CCDC88C: variants seen among roughly 807,000 people sequenced by gnomAD.
The protein encoded by CCDC88C is coiled-coil and HOOK domain protein 88C.
CCDC88C carries 131 observed loss-of-function variants against 198.8 expected under a neutral mutation model. That is an observed-to-expected ratio of 0.66 (90% CI 0.57 to 0.76). CCDC88C has a LOEUF of 0.76. CCDC88C is among the 30% of genes least tolerant of loss of function. The pLI, the probability that CCDC88C is intolerant of heterozygous loss-of-function variation, is 0.00. For synonymous variants in CCDC88C, 1,166 were observed against 1,114.7 expected, an observed-to-expected ratio of 1.05 and a Z score of -0.92; for missense variants, 2,553 against 2,631.6, an observed-to-expected ratio of 0.97 and a Z score of 0.65.
At chr14:91,299,778 G>T in intron 21 of CCDC88C, 149 bp downstream of exon 21, 1 of 1,103,198 alleles carries the variant, frequency 9.1e-7, no homozygotes, top group Non-Finnish European at 1.2e-6. Context: ...TTGCCCTTTA[G>T]CTTATTTTAC....
chr14:91,371,849 C>T lies in CCDC88C; in HGVS notation c.271-12138G>A, dbSNP rs1894820010. ...ACCCGGTGGCCTGACAATGCCGCTT[C>T]ACTCCCAGGCACAAGTCGGAGCAGG... is the stretch of plus-strand genomic sequence containing the variant. On this transcript the variant is annotated intron_variant, in intron 3 of 29. Transcript: ENST00000389857. This position sits in a 1 kb window ranked among gnomAD's most constrained non-coding sequence, Gnocchi z 4.2. Among the ~76,000 whole-genome samples, 1 of 152,208 alleles carries T rather than the reference C, an allele frequency of 6.6e-6. No homozygotes were observed. The highest frequency in any genetic ancestry group is 2.4e-5 in the African/African-American group (1 of 41,450).
rs1887132217 is a variant in CCDC88C at position 91,417,544 on chromosome 14, C to T, written c.60+87G>A. The T allele has an allele frequency of 1.2e-5, 16 of 1,315,814 alleles. No individual in the cohort carries two copies. The South Asian group carries it at 1.8e-4, about 15-fold the overall frequency. The allele number at this position is 1,315,814 out of a possible 1,614,324, so 81.5% of individuals were successfully genotyped here. On this transcript the variant is annotated intron_variant, in intron 1 of 29. Transcript: ENST00000389857. ...CGCGCCCCGGAGCCACCCGGGGCCC[C>T]GGCCGTGTCGGGTCTGCGGCGTCCC...
At chr14:91,304,419 CA>C (rs1049151933) in intron 19 of CCDC88C, among the ~76,000 whole-genome samples, 3 of 151,182 alleles carry the variant, frequency 2.0e-5, no homozygotes, top group East Asian at 1.9e-4. Flanking sequence ...CCCATCTCTA[CA>C]AAAAAAAAGT....
chr14:91,293,026 TCCCGTCCTCA>T (rs1486750710), intron 23 of CCDC88C, among the ~76,000 whole-genome samples: 1 of 151,816 alleles, frequency 6.6e-6, no homozygotes, highest in East Asian at 1.9e-4. Context: ...CAGCTCACCT[TCCCGTCCTCA>T]CCTGCCACGG....
intron 3 of CCDC88C, among the ~76,000 whole-genome samples, chr14:91,384,065 A>C (rs1420437152): frequency 2.0e-5 from 3 of 152,168 alleles, no homozygotes; most frequent in African/African-American, 7.2e-5. Flanking sequence ...CTGGGTACCA[A>C]GAGGACTGGT....
chr14:91,275,818 C>T (rs371811726), intron 29 of CCDC88C, among the ~76,000 whole-genome samples: 77 of 82,284 alleles, frequency 9.4e-4, no homozygotes, highest in East Asian at 1.5e-3. Flanking sequence ...ACCAGTGGTT[C>T]TTTTTTTTTT....
intron 22 of CCDC88C, among the ~76,000 whole-genome samples, chr14:91,296,577 G>A (rs1269335333): frequency 1.3e-5 from 2 of 152,254 alleles, no homozygotes; most frequent in East Asian, 1.9e-4. Flanking sequence ...GGCAGCACAA[G>A]ATCTGGGTGG....
chr14:91,296,668 G>A (rs1301483452), intron 22 of CCDC88C, among the ~76,000 whole-genome samples: 1 of 152,216 alleles, frequency 6.6e-6, no homozygotes, highest in Non-Finnish European at 1.5e-5. Context: ...GAGGGATCTG[G>A]GCAAAAGGCG....
chr14:91,369,015 G>A (rs1378191127), intron 3 of CCDC88C, among the ~76,000 whole-genome samples: 2 of 152,164 alleles, frequency 1.3e-5, no homozygotes, highest in Non-Finnish European at 2.9e-5. Context: ...CAAGAATTAT[G>A]AGCATTTCCA....
In CCDC88C at chr14:91,339,561, A is replaced by G. The variant is rs1009470996; in HGVS notation, c.625-99T>C. ...GTGAAGAAACCGCCAAAAGACAGAT[A>G]TTTCAGCGGAGACTAAGAAACGAGG... On this transcript the variant is annotated intron_variant, in intron 7 of 29. Transcript: ENST00000389857. This position sits in a 1 kb window ranked among gnomAD's most constrained non-coding sequence, Gnocchi z 5.8. 97 of 1,174,500 alleles carry G rather than the reference A, an allele frequency of 8.3e-5. No homozygotes were observed. Among genetic ancestry groups the G allele is most frequent in the Non-Finnish European group, 1.1e-4 (91 of 842,608 alleles). The allele number at this position is 1,174,500 out of a possible 1,614,324, so 72.8% of individuals were successfully genotyped here.
At position 91,297,359 on chromosome 14, in the gene CCDC88C, C is replaced by T; in HGVS notation, c.3912G>A (p.Lys1304=). 6.2e-7 allele frequency: 1 copy of T among 1,613,772 alleles called. No individual in the cohort carries two copies. The highest frequency in any genetic ancestry group is 8.5e-7 in the Non-Finnish European group (1 of 1,179,806). The part of the protein sequence containing the change: ...NRWQARFDEL[K]EQHQTMDISL... ...AGATGTCCATGGTCTGGTGCTGCTC[C>T]TTCAGCTCGTCGAAGCGGGCCTGCC... The change falls in exon 22 of 30, where the codon AAG becomes AAA. Residue 1304 remains lysine (K), a synonymous_variant. Transcript: ENST00000389857.
At chr14:91,386,294 A>AAG (rs1350437140) in intron 3 of CCDC88C, among the ~76,000 whole-genome samples, 2 of 149,846 alleles carry the variant, frequency 1.3e-5, no homozygotes, top group African/African-American at 4.9e-5. Context: ...AAATACAAAA[A>AAG]AAAAAAAAAA....
chr14:91,347,701 T>C (rs1313452749), intron 4 of CCDC88C, among the ~76,000 whole-genome samples: 4 of 152,116 alleles, frequency 2.6e-5, no homozygotes, highest in Non-Finnish European at 5.9e-5. Flanking sequence ...CTGGAGAGGA[T>C]GTGGAGAAAC....
chr14:91,339,593 G>A lies in CCDC88C; in HGVS notation c.625-131C>T. On this transcript the variant is annotated intron_variant, in intron 7 of 29. Transcript: ENST00000389857. This position sits in a 1 kb window ranked among gnomAD's most constrained non-coding sequence, Gnocchi z 5.8. ...CGGAGACTAAGAAACGAGGAGGAAG[G>A]TGGGAAAAGGCTGGCATGGGTTTTG... 1 of 945,432 alleles carries A rather than the reference G, an allele frequency of 1.1e-6. No homozygotes were observed. The highest frequency in any genetic ancestry group is 1.6e-6 in the Non-Finnish European group (1 of 641,812). 58.6% of individuals were successfully genotyped at this position (945,432 alleles called of 1,614,324 possible).
At chr14:91,395,397 T>C (rs901546379) in intron 3 of CCDC88C, among the ~76,000 whole-genome samples, 5 of 152,112 alleles carry the variant, frequency 3.3e-5, no homozygotes, top group African/African-American at 1.2e-4. Flanking sequence ...TTTTTACCCC[T>C]GCTCTACAGG....
intron 3 of CCDC88C, among the ~76,000 whole-genome samples, chr14:91,362,147 T>C (rs1055474016): frequency 7.9e-5 from 12 of 151,874 alleles, no homozygotes; most frequent in African/African-American, 2.9e-4. Flanking sequence ...GGCAGGAGAA[T>C]TGCTTGAACC....
chr14:91,277,885 A>AAG, intron 29 of CCDC88C, 37 bp downstream of exon 29: 1 of 1,458,282 alleles, frequency 6.9e-7, no homozygotes, highest in Non-Finnish European at 9.1e-7. Flanking sequence ...ACAGAGAGGG[A>AAG]AGAGAGACGG....
intron 3 of CCDC88C, among the ~76,000 whole-genome samples, chr14:91,368,020 G>A (rs2051093736): frequency 6.6e-6 from 1 of 152,148 alleles, no homozygotes; most frequent in African/African-American, 2.4e-5. Flanking sequence ...ACTGTGCCAT[G>A]TCAATCAACT....
intron 13 of CCDC88C, among the ~76,000 whole-genome samples, chr14:91,320,631 G>A (rs1019309022): frequency 1.3e-5 from 2 of 152,216 alleles, no homozygotes; most frequent in Non-Finnish European, 2.9e-5. Context: ...GCAGTCTGGT[G>A]GGACTGAGCC....
Sources: allele counts gnomAD v4.1 joint callset (sites outside exome capture counted in the v4.1 genomes callset), GRCh38; gene constraint gnomAD v4.1.1; non-coding constraint Gnocchi (gnomAD v3.1); transcripts MANE v1.5; gene names NCBI Gene and HGNC (gene_info 2026-07-23, HGNC 2026-07-21).